The following RFX3 variants were observed in gnomAD, a reference collection of about 807,000 sequenced individuals.
The protein encoded by RFX3 is regulatory factor X3.
Under a neutral mutation model 98.6 loss-of-function variants are expected in RFX3, and 14 were observed. That is an observed-to-expected ratio of 0.14 (90% CI 0.09 to 0.22). The LOEUF (loss-of-function observed/expected upper bound fraction) is 0.22. Ranked by LOEUF, RFX3 falls within the 10% of genes least tolerant of loss-of-function variation. The pLI, the probability that RFX3 is intolerant of heterozygous loss-of-function variation, is 1.00. For synonymous variants in RFX3, 383 were observed against 328.4 expected (o/e 1.17, Z -1.80); for missense variants, 639 against 926.9 (o/e 0.69, Z 4.03).
At chr9:3,460,362 C>T (rs1564129063) in intron 1 of RFX3, among the ~76,000 whole-genome samples, 2 of 151,984 alleles carry the variant, frequency 1.3e-5, no homozygotes, top group African/African-American at 2.4e-5. Context: ...AATCCTCTTA[C>T]ACCTCAATCT....
rs1313502412 is a variant in RFX3, at chr9:3,221,735, A to C, written c.*3307T>G. 2.0e-5 allele frequency: 3 copies of C among 152,136 alleles called. No homozygotes were observed. The highest frequency in any genetic ancestry group is 7.2e-5 in the African/African-American group (3 of 41,440). The allele number at this position is 152,136 out of a possible 1,614,324, so 9.4% of individuals were successfully genotyped here. On this transcript the variant is annotated 3_prime_UTR_variant, in exon 17 of 17. Coordinates refer to ENST00000617270, the MANE Select transcript of RFX3 (RefSeq NM_001282116.2). ...TATTGTTCACTGGTTTCATGAATGC[A>C]AATCTTTTGAGTATGATTTTCAAAC...
chr9:3,253,423 T>C (rs1380579170), intron 14 of RFX3, among the ~76,000 whole-genome samples: 2 of 152,246 alleles, frequency 1.3e-5, no homozygotes, highest in Non-Finnish European at 2.9e-5. Flanking sequence ...CATTCCACTC[T>C]TTAAAAATGG....
At chr9:3,489,022 A>G (rs1221666997) in intron 1 of RFX3, 1 of 358,238 alleles carries the variant, frequency 2.8e-6, no homozygotes, top group Non-Finnish European at 3.9e-6. Flanking sequence ...GAACTTAGAA[A>G]TTAAAGTGTA....
chr9:3,314,189 C>T (rs1326847199), intron 4 of RFX3, among the ~76,000 whole-genome samples: 1 of 152,162 alleles, frequency 6.6e-6, no homozygotes, highest in African/African-American at 2.4e-5. Context: ...AGAAACTCTA[C>T]AAGCCAGAAG....
intron 2 of RFX3, among the ~76,000 whole-genome samples, chr9:3,365,092 G>T (rs546547554): frequency 6.6e-6 from 1 of 152,102 alleles, no homozygotes; most frequent in Non-Finnish European, 1.5e-5. Context: ...ACAAGGTCAG[G>T]AGATCGAGAC....
intron 3 of RFX3, chr9:3,344,594 C>A: frequency 2.0e-6 from 1 of 498,068 alleles, no homozygotes; most frequent in Non-Finnish European, 3.6e-6. Flanking sequence ...CTCTCAATAC[C>A]CATTTCAACT....
In RFX3 at chr9:3,279,053, T is replaced by G. The variant is rs567744072; in HGVS notation, c.852-1592A>C. Among the ~76,000 whole-genome samples the G allele has an allele frequency of 1.2e-4, 18 of 152,038 alleles. No individual in the cohort carries two copies. The South Asian group carries it at 3.7e-3, about 32-fold the overall frequency. ...TGTTGTGATGTGCTAGATGCCTTGT[T>G]TATTAAAAATTTAATGTTTTTCTGA... On this transcript the variant is annotated intron_variant, in intron 7 of 16. Coordinates refer to ENST00000617270, the MANE Select transcript of RFX3 (RefSeq NM_001282116.2).
chr9:3,512,943 T>G (rs1817787150), intron 1 of RFX3, among the ~76,000 whole-genome samples: 1 of 152,090 alleles, frequency 6.6e-6, no homozygotes, highest in African/African-American at 2.4e-5. Context: ...CGTTATGTCC[T>G]TTTTGTAACC....
intron 1 of RFX3, among the ~76,000 whole-genome samples, chr9:3,444,903 C>G (rs909288208): frequency 1.3e-5 from 2 of 152,170 alleles, no homozygotes; most frequent in African/African-American, 2.4e-5. Context: ...AGCAGAAACT[C>G]AAATGATCAC....
chr9:3,416,493 T>A (rs1324130321), intron 1 of RFX3, among the ~76,000 whole-genome samples: 2 of 148,010 alleles, frequency 1.4e-5, no homozygotes, highest in Non-Finnish European at 3.0e-5. Flanking sequence ...TCAGTATTCT[T>A]ATTAGGGGGA....
chr9:3,256,249 C>T (rs1425556745), intron 14 of RFX3, among the ~76,000 whole-genome samples: 5 of 152,042 alleles, frequency 3.3e-5, no homozygotes, highest in African/African-American at 7.2e-5. Context: ...GGATTACAGG[C>T]GTAAGCCACC....
chr9:3,407,843 T>G (rs916707908), intron 1 of RFX3, among the ~76,000 whole-genome samples: 4 of 152,038 alleles, frequency 2.6e-5, no homozygotes, highest in African/African-American at 9.7e-5. Flanking sequence ...ATAAAAATGA[T>G]TGAATCATGG....
At chr9:3,229,445 C>T (rs912103389) in intron 15 of RFX3, among the ~76,000 whole-genome samples, 1 of 152,198 alleles carries the variant, frequency 6.6e-6, no homozygotes, top group Admixed American at 6.5e-5. Flanking sequence ...AATAGGGTCT[C>T]ACTTTAAAAA....
intron 1 of RFX3, among the ~76,000 whole-genome samples, chr9:3,412,742 A>T (rs1336118981): frequency 6.6e-6 from 1 of 152,138 alleles, no homozygotes; most frequent in Non-Finnish European, 1.5e-5. Flanking sequence ...TTAGAAAGAA[A>T]GGGAAACTTA....
At chr9:3,401,724 G>C (rs1841485936) in intron 1 of RFX3, among the ~76,000 whole-genome samples, 1 of 152,170 alleles carries the variant, frequency 6.6e-6, no homozygotes, top group African/African-American at 2.4e-5. Flanking sequence ...ACAGATGCTT[G>C]TTTGACAAAG....
In RFX3 at chr9:3,244,007, A is replaced by ATT. The variant is rs71324236; in HGVS notation, c.1968+4023_1968+4024dup. 2.8e-3 allele frequency among the ~76,000 whole-genome samples: 415 copies of ATT among 145,670 alleles called. 4 individuals carry two copies. In the South Asian group the frequency reaches 0.032, roughly 11 times the overall value. On this transcript the variant is annotated intron_variant, in intron 15 of 16. Coordinates refer to ENST00000617270, the MANE Select transcript of RFX3 (RefSeq NM_001282116.2). ...CTTCTTCTTTTTTTCTATTTTTATT[A>ATT]TTTTTTTTTTTTGAGATGGAGTCCC...
rs149207156 is a variant in RFX3, at chr9:3,242,594, G to A, written c.1968+5438C>T. ...TTAAGCACCAATATTTGTTTACTAT[G>A]AATGTAATTCTACTTCCACCAAATG... On this transcript the variant is annotated intron_variant, in intron 15 of 16. Transcript: ENST00000617270. Among the ~76,000 whole-genome samples the A allele has an allele frequency of 4.9e-4, 75 of 152,186 alleles. 1 individual carries two copies. The highest frequency in any genetic ancestry group is 1.7e-3 in the African/African-American group (71 of 41,552).
chr9:3,241,578 G>GA (rs1053179844), intron 15 of RFX3, among the ~76,000 whole-genome samples: 83 of 152,180 alleles, frequency 5.5e-4, no homozygotes, highest in African/African-American at 1.9e-3. Flanking sequence ...GAACAAGGAA[G>GA]AAAAAATGGG....
chr9:3,317,376 G>T (rs1830741438), intron 4 of RFX3, among the ~76,000 whole-genome samples: 1 of 152,154 alleles, frequency 6.6e-6, no homozygotes, highest in Non-Finnish European at 1.5e-5. Context: ...ATTCAAGATG[G>T]ATTAAAGACT....
Sources: gnomAD v4.1 joint callset for allele counts (sites outside exome capture counted in the v4.1 genomes callset) on GRCh38, gnomAD v4.1.1 for gene constraint, MANE v1.5 for transcripts, NCBI Gene and HGNC (gene_info 2026-07-23, HGNC 2026-07-21) for gene names.